ZC3H4: variants seen among roughly 807,000 people sequenced by gnomAD.
ZC3H4 encodes zinc finger CCCH domain-containing protein 4.
ZC3H4 carries 13 observed loss-of-function variants against 108.3 expected under a neutral mutation model. The observed-to-expected ratio is 0.12, with a 90% confidence interval of 0.08 to 0.19. The LOEUF (loss-of-function observed/expected upper bound fraction) is 0.19. Ranked by LOEUF, ZC3H4 falls within the 10% of genes least tolerant of loss-of-function variation. ZC3H4 has a pLI of 1.00. For synonymous variants in ZC3H4, 917 were observed against 749.6 expected (o/e 1.22, Z -3.65); for missense variants, 1,734 against 1,838.8 (o/e 0.94, Z 1.04).
chr19:47,076,323 GCGCACACA>G (rs904825165), intron 11 of ZC3H4, among the ~76,000 whole-genome samples: 8 of 73,968 alleles, frequency 1.1e-4, no homozygotes, highest in African/African-American at 3.3e-4. Flanking sequence ...GTGCGCGCGC[GCGCACACA>G]CACACACACA....
intron 14 of ZC3H4, among the ~76,000 whole-genome samples, 153 bp from the exon 15 acceptor site, chr19:47,068,022 G>A (rs1056559172): frequency 1.3e-5 from 2 of 152,110 alleles, no homozygotes; most frequent in Admixed American, 6.5e-5. Flanking sequence ...CACAGTGGGC[G>A]GCTGAGGAGA....
rs371203061 is a variant in ZC3H4, at chr19:47,112,302, T to TTCC, written c.161+119_161+121dup. On this transcript the variant is annotated intron_variant, in intron 2 of 14. Coordinates refer to ENST00000253048, the MANE Select transcript of ZC3H4 (RefSeq NM_015168.2). ...CGAGAGACACCCACCGACCCCGCCC[T>TTCC]TCCTCCTCCTCCTCCTCCTCCTCCT... is the stretch of plus-strand genomic sequence containing the variant. 8.9e-3 allele frequency: 9,350 copies of TTCC among 1,051,294 alleles called. 32 individuals carry two copies. The highest frequency in any genetic ancestry group is 0.018 in the African/African-American group (1,098 of 60,096). 65.1% of individuals were successfully genotyped at this position (1,051,294 alleles called of 1,614,324 possible). A position where few individuals can be genotyped will look rare whatever the true frequency, so the allele number is the denominator to read the frequency against.
intron 14 of ZC3H4, among the ~76,000 whole-genome samples, chr19:47,068,573 C>T (rs551883416): frequency 2.6e-5 from 4 of 152,316 alleles, no homozygotes; most frequent in East Asian, 1.9e-4. Flanking sequence ...CTGGCTCCTG[C>T]GCTACAGTCA....
At chr19:47,102,322 G>A (rs1568566548) in intron 2 of ZC3H4, among the ~76,000 whole-genome samples, 1 of 152,234 alleles carries the variant, frequency 6.6e-6, no homozygotes, top group Non-Finnish European at 1.5e-5. Context: ...TACAAATTAT[G>A]TCAAAAAGAG....
Position 47,112,559 on chromosome 19 carries a change from G to GACTCTGAT in ZC3H4, c.25_26insATCAGAGT (p.Pro9HisfsTer98). On this transcript the variant is annotated frameshift_variant, in exon 2 of 15. Coordinates refer to ENST00000253048, the MANE Select transcript of ZC3H4 (RefSeq NM_015168.2). LOFTEE classifies it high-confidence loss of function. ...CGGCGGCGACTCTGATGGCGGCGGC[G>GACTCTGAT]GGGGGGTCCCGGGCGCGGCCTCCAT... 1 of 1,012,690 alleles carries GACTCTGAT rather than the reference G, an allele frequency of 9.9e-7. No homozygotes were observed. The highest frequency in any genetic ancestry group is 1.3e-6 in the Non-Finnish European group (1 of 782,896). The allele number at this position is 1,012,690 out of a possible 1,614,324, so 62.7% of individuals were successfully genotyped here. A position where few individuals can be genotyped will look rare whatever the true frequency, so the allele number is the denominator to read the frequency against.
chr19:47,110,475 A>C (rs563617834), intron 2 of ZC3H4, among the ~76,000 whole-genome samples: 1 of 152,322 alleles, frequency 6.6e-6, no homozygotes, highest in South Asian at 2.1e-4. Context: ...TAAACATTGA[A>C]AGGATGTGCA....
At chr19:47,104,135 A>G (rs2123078852) in intron 2 of ZC3H4, among the ~76,000 whole-genome samples, 1 of 152,048 alleles carries the variant, frequency 6.6e-6, no homozygotes, top group Admixed American at 6.6e-5. Context: ...CCTGGCCAAC[A>G]TGGTAAAACC....
At chr19:47,107,871 A>G (rs12609406) in intron 2 of ZC3H4, among the ~76,000 whole-genome samples, 79,557 of 152,042 alleles carry the variant, frequency 0.52, 24,525 homozygotes, top group Non-Finnish European at 0.71. Context: ...CCTAAAAGCA[A>G]AAGCGTTCTG....
chr19:47,066,040 C>T lies in ZC3H4; in HGVS notation c.*316G>A, dbSNP rs1364634147. On this transcript the variant is annotated 3_prime_UTR_variant, in exon 15 of 15. Transcript: ENST00000253048. Reference sequence around the variant, plus strand: ...AAACCCACTGGGCCTCCAGCAAGGCCCGGCCACGCAGAGCCCACAGAGTCT... The same window carrying T: ...AAACCCACTGGGCCTCCAGCAAGGCTCGGCCACGCAGAGCCCACAGAGTCT... 1.2e-5 allele frequency: 3 copies of T among 242,052 alleles called. No individual in the cohort carries two copies. Among genetic ancestry groups the T allele is most frequent in the Non-Finnish European group, 2.4e-5 (3 of 127,028 alleles). 15.0% of individuals were successfully genotyped at this position (242,052 alleles called of 1,614,324 possible).
At chr19:47,110,116 C>T (rs918533446) in intron 2 of ZC3H4, among the ~76,000 whole-genome samples, 7 of 152,068 alleles carry the variant, frequency 4.6e-5, no homozygotes, top group African/African-American at 1.7e-4. Flanking sequence ...TTCAACAGTA[C>T]TTTACAAATG....
chr19:47,083,188 G>A (rs568491173), intron 9 of ZC3H4, among the ~76,000 whole-genome samples: 94 of 151,828 alleles, frequency 6.2e-4, no homozygotes, highest in Middle Eastern at 6.8e-3. Context: ...GGGAGGCTGA[G>A]GAAGGAGAAT....
chr19:47,107,936 C>A (rs1023670872), intron 2 of ZC3H4, among the ~76,000 whole-genome samples: 1 of 152,178 alleles, frequency 6.6e-6, no homozygotes, highest in African/African-American at 2.4e-5. Context: ...TTGGCTCCCC[C>A]CAATCAATCT....
At chr19:47,107,476 C>A (rs1342151852) in intron 2 of ZC3H4, among the ~76,000 whole-genome samples, 1 of 152,156 alleles carries the variant, frequency 6.6e-6, no homozygotes, top group African/African-American at 2.4e-5. Context: ...CCTCCACATC[C>A]TGTTGCCACC....
chr19:47,088,891 GAGGT>G lies in ZC3H4; in HGVS notation c.715+1072_715+1075del, dbSNP rs573940911. On this transcript the variant is annotated intron_variant, in intron 5 of 14. Transcript: ENST00000253048. Reference sequence around the variant, plus strand: ...CCCAAAGCACAGGGGCTGCCCCAGGGAGGTATCCAAGAAAGACTGCTAGAAGAAC... The same window carrying G: ...CCCAAAGCACAGGGGCTGCCCCAGGGATCCAAGAAAGACTGCTAGAAGAAC... 1.8e-4 allele frequency among the ~76,000 whole-genome samples: 28 copies of G among 152,204 alleles called. No individual in the cohort carries two copies. In the East Asian group the frequency reaches 5.1e-3, roughly 28 times the overall value.
At position 47,066,474 on chromosome 19, in the gene ZC3H4, G is replaced by T. The variant is rs766266343; in HGVS notation, c.3794C>A (p.Thr1265Lys). 1.2e-5 allele frequency: 19 copies of T among 1,582,110 alleles called. No homozygotes were observed. Among genetic ancestry groups the T allele is most frequent in the Non-Finnish European group, 1.6e-5 (19 of 1,163,788 alleles). ...CCCAGCAAATGGGCTTCCTGAGCCC[G>T]TCTTGGGTGTCTGCTTCACCGTCCC... ...LFGTVKQTPK[T>K]GSGSPFAGNS... The change falls in exon 15 of 15, where the codon ACG becomes AAG. Residue 1265 changes from threonine (T) to lysine (K), a missense_variant. This residue lies in a region of ZC3H4 where 518 missense variants were observed against 499.6 expected (regional missense o/e 1.04). Transcript: ENST00000253048.
intron 14 of ZC3H4, among the ~76,000 whole-genome samples, chr19:47,068,140 A>T (rs1220472588): frequency 6.6e-6 from 1 of 152,190 alleles, no homozygotes; most frequent in Non-Finnish European, 1.5e-5. Flanking sequence ...CCACCCCAGG[A>T]GGTAGTGATA....
At chr19:47,111,378 AAAGAG>A (rs1024358533) in intron 2 of ZC3H4, among the ~76,000 whole-genome samples, 26 of 152,228 alleles carry the variant, frequency 1.7e-4, no homozygotes, top group African/African-American at 5.3e-4. Flanking sequence ...CGGACTTAAT[AAAGAG>A]AAGGGGGCGC....
intron 13 of ZC3H4, among the ~76,000 whole-genome samples, chr19:47,069,929 G>C (rs751892592): frequency 5.9e-5 from 9 of 152,176 alleles, no homozygotes; most frequent in Non-Finnish European, 1.3e-4. Flanking sequence ...GAAGCACGGG[G>C]CCTCCACCTC....
In ZC3H4 at chr19:47,065,690, GA is replaced by G. The variant is rs1432314779; in HGVS notation, c.*665del. 5.2e-5 allele frequency: 8 copies of G among 152,950 alleles called. No homozygotes were observed. Among genetic ancestry groups the G allele is most frequent in the Admixed American group, 4.6e-4 (7 of 15,294 alleles). The allele number at this position is 152,950 out of a possible 1,614,324, so 9.5% of individuals were successfully genotyped here. A position where few individuals can be genotyped will look rare whatever the true frequency, so the allele number is the denominator to read the frequency against. The stretch of plus-strand genomic sequence containing the variant: ...GGCTGGGGGGCATCCGCTTGCTCTA[GA>G]CGGAGGGTGGCAGGGAGGGCACGTG... On this transcript the variant is annotated 3_prime_UTR_variant, in exon 15 of 15. Coordinates refer to ENST00000253048, the MANE Select transcript of ZC3H4 (RefSeq NM_015168.2).
Sources: gnomAD v4.1 joint callset for allele counts (sites outside exome capture counted in the v4.1 genomes callset) on GRCh38, gnomAD v4.1.1 for gene constraint, gnomAD v4.1.1 regional missense constraint, MANE v1.5 for transcripts, NCBI Gene and HGNC (gene_info 2026-07-23, HGNC 2026-07-21) for gene names.